SYNE2: variants seen among roughly 807,000 people sequenced by gnomAD.
SYNE2 encodes nesprin-2.
SYNE2 carries 431 observed loss-of-function variants against 856.3 expected under a neutral mutation model. That is an observed-to-expected ratio of 0.50 (90% confidence interval 0.47 to 0.55). The LOEUF is 0.55. Ranked by LOEUF, SYNE2 falls within the 20% of genes least tolerant of loss-of-function variation. SYNE2 has a pLI of 0.00. For missense variants in SYNE2, 8,129 were observed against 8,023.2 expected, an observed-to-expected ratio of 1.01 and a Z score of -0.50; for synonymous variants, 2,923 against 2,872.3, an observed-to-expected ratio of 1.02 and a Z score of -0.56.
At chr14:63,955,288 C>CCTCT (rs2153437285) in intron 8 of SYNE2, among the ~76,000 whole-genome samples, 1 of 152,222 alleles carries the variant, frequency 6.6e-6, no homozygotes, top group South Asian at 2.1e-4. Flanking sequence ...TTCCTCCCTC[C>CCTCT]CTCTGAGTTA....
intron 1 of SYNE2, among the ~76,000 whole-genome samples, chr14:63,798,903 G>T (rs1325277404): frequency 6.6e-6 from 1 of 152,208 alleles, no homozygotes; most frequent in East Asian, 1.9e-4. Context: ...GTCCAAATGG[G>T]TTCTGTGGAT....
chr14:63,895,099 ATTTTC>A (rs1418007359), intron 1 of SYNE2, among the ~76,000 whole-genome samples: 17 of 133,214 alleles, frequency 1.3e-4, no homozygotes, highest in African/African-American at 3.2e-4. Context: ...ATAAATTTCC[ATTTTC>A]TTTTCTTTTT....
chr14:63,798,888 C>T (rs1000773212), intron 1 of SYNE2, among the ~76,000 whole-genome samples: 6 of 152,220 alleles, frequency 3.9e-5, no homozygotes, highest in East Asian at 1.9e-4. Flanking sequence ...AGGCCTTGTT[C>T]GCTTGTCCAA....
At chr14:64,124,972 C>T (rs1378958540) in intron 70 of SYNE2, 107 bp from the exon 71 acceptor site, 5 of 1,434,192 alleles carry the variant, frequency 3.5e-6, no homozygotes, top group African/African-American at 1.4e-5. Context: ...CACTGCACTC[C>T]AGCCTGGGCG....
intron 7 of SYNE2, among the ~76,000 whole-genome samples, 195 bp from the exon 8 acceptor site, chr14:63,954,524 C>CA (rs2096215334): frequency 6.6e-6 from 1 of 152,130 alleles, no homozygotes; most frequent in Non-Finnish European, 1.5e-5. Context: ...TTTTGAGAAT[C>CA]AGTGTTCTGT....
Position 63,990,467 on chromosome 14 carries a change from G to C in SYNE2, c.2370G>C (p.Met790Ile). The change falls in exon 20 of 116, where the codon ATG becomes ATC. Residue 790 changes from methionine to isoleucine, a missense_variant. By Grantham distance (10) the Met-to-Ile change is conservative (BLOSUM62 1). This residue lies in a region of SYNE2 where 2,422 missense variants were observed against 2,357.4 expected (regional missense o/e 1.03). Coordinates refer to ENST00000555002, the MANE Select transcript of SYNE2 (RefSeq NM_182914.3). ...FDELMARSED[M>I]LQMDIQNISS... ...AGCTTATGGCAAGAAGTGAAGATAT[G>C]TTACAAATGGATATACAAAATATTT... 1 of 1,613,726 alleles carries C rather than the reference G, an allele frequency of 6.2e-7. No individual in the cohort carries two copies.
intron 1 of SYNE2, among the ~76,000 whole-genome samples, chr14:63,820,372 A>G (rs1212648038): frequency 2.0e-5 from 3 of 152,334 alleles, no homozygotes; most frequent in Admixed American, 2.0e-4. Flanking sequence ...AAAAGTTTCA[A>G]TGCATACTTG....
intron 49 of SYNE2, among the ~76,000 whole-genome samples, chr14:64,056,658 C>T (rs749917151): frequency 4.8e-5 from 7 of 145,246 alleles, no homozygotes; most frequent in African/African-American, 7.4e-5. Flanking sequence ...TACCATTTTC[C>T]TGACTTTTGT....
intron 85 of SYNE2, among the ~76,000 whole-genome samples, chr14:64,153,887 C>T (rs2098265447): frequency 6.6e-6 from 1 of 152,018 alleles, no homozygotes; most frequent in Admixed American, 6.6e-5. Context: ...CATTTGTAGT[C>T]AATTGATTTT....
intron 61 of SYNE2, among the ~76,000 whole-genome samples, chr14:64,096,130 A>C (rs2097674924): frequency 6.6e-6 from 1 of 152,192 alleles, no homozygotes; most frequent in African/African-American, 2.4e-5. Flanking sequence ...GTGAGAAATA[A>C]ATTTCTGTTC....
At position 64,003,224 on chromosome 14, in the gene SYNE2, G is replaced by A. The variant is rs911745638; in HGVS notation, c.4291G>A (p.Ala1431Thr). The part of the protein sequence containing the change: ...EFTEENKLLE[A>T]CIFKNNELLK... ...CACTGAGGAAAACAAATTACTAGAG[G>A]CTTGTATTTTCAAAAATAATGAACT... Residue 1431 changes from alanine to threonine, a missense_variant, in exon 30 of 116, where the codon GCT becomes ACT. Transcript: ENST00000555002. 6.2e-7 allele frequency: 1 copy of A among 1,613,728 alleles called. No homozygotes were observed. The highest frequency in any genetic ancestry group is 8.5e-7 in the Non-Finnish European group (1 of 1,179,864).
rs180860709 is a variant in SYNE2 at position 63,963,248 on chromosome 14, A to G, written c.889-651A>G. 9.2e-5 allele frequency among the ~76,000 whole-genome samples: 14 copies of G among 152,364 alleles called. No individual in the cohort carries two copies. The East Asian group carries it at 2.7e-3, about 29-fold the overall frequency. On this transcript the variant is annotated intron_variant, in intron 9 of 115. Coordinates refer to ENST00000555002, the MANE Select transcript of SYNE2 (RefSeq NM_182914.3). ...TTCTAACTAATTTTCATATTAAAAA[A>G]ATAAAATGAAAGATTCAACTGTCCA... is the stretch of plus-strand genomic sequence containing the variant.
chr14:64,190,489 G>A, intron 99 of SYNE2: 1 of 651,938 alleles, frequency 1.5e-6, no homozygotes, highest in South Asian at 1.8e-5. Flanking sequence ...ATGAAGAGTT[G>A]GAAACTGATT....
At chr14:64,199,971 T>A (rs1185233255) in intron 99 of SYNE2, among the ~76,000 whole-genome samples, 2 of 151,898 alleles carry the variant, frequency 1.3e-5, no homozygotes, top group South Asian at 2.1e-4. Flanking sequence ...AGCAAATTAT[T>A]CCCCCACCTT....
At chr14:63,815,217 CATATATATATCCATATATATATGG>C (rs1888918842) in intron 1 of SYNE2, among the ~76,000 whole-genome samples, 2 of 35,192 alleles carry the variant, frequency 5.7e-5, no homozygotes, top group Non-Finnish European at 1.1e-4. Context: ...TATATATATC[CATATATATATCCATATATATATGG>C]ATATATATAT....
chr14:63,991,416 T>C (rs1012467870), intron 21 of SYNE2, among the ~76,000 whole-genome samples: 5 of 152,212 alleles, frequency 3.3e-5, no homozygotes, highest in African/African-American at 1.2e-4. Flanking sequence ...TTTGTAAAAT[T>C]GGCATAATAA....
At chr14:63,997,541 G>T in intron 25 of SYNE2, 150 bp downstream of exon 25, 1 of 740,532 alleles carries the variant, frequency 1.4e-6, no homozygotes. Flanking sequence ...GCAAAAGACT[G>T]ATTTTCAAAG....
At chr14:63,931,773 C>T (rs904937996) in intron 2 of SYNE2, among the ~76,000 whole-genome samples, 1 of 151,572 alleles carries the variant, frequency 6.6e-6, no homozygotes, top group Non-Finnish European at 1.5e-5. Flanking sequence ...AGGTTTAACT[C>T]CAAGTTCTCA....
intron 49 of SYNE2, among the ~76,000 whole-genome samples, chr14:64,059,728 G>A (rs1440345602): frequency 6.6e-6 from 1 of 152,262 alleles, no homozygotes; most frequent in Non-Finnish European, 1.5e-5. Flanking sequence ...AACAGGAGAT[G>A]AAGCCAGCCA....
Sources: gnomAD v4.1 joint callset for allele counts (sites outside exome capture counted in the v4.1 genomes callset) on GRCh38, gnomAD v4.1.1 for gene constraint, gnomAD v4.1.1 regional missense constraint, MANE v1.5 for transcripts, NCBI Gene and HGNC (gene_info 2026-07-23, HGNC 2026-07-21) for gene names.